Variants in GALNT13 observed in about 807,000 individuals in gnomAD.
GALNT13 encodes polypeptide N-acetylgalactosaminyltransferase 13.
GALNT13 carries 28 observed loss-of-function variants against 64.2 expected under a neutral mutation model. That is an observed-to-expected ratio of 0.44 (90% confidence interval 0.32 to 0.60). GALNT13 has a LOEUF of 0.60. Ranked by LOEUF, GALNT13 falls within the 20% of genes least tolerant of loss-of-function variation. The pLI, the probability that GALNT13 is intolerant of heterozygous loss-of-function variation, is 0.05. For synonymous variants in GALNT13, 214 were observed against 224.6 expected (o/e 0.95, Z 0.42); for missense variants, 577 against 669.8 (o/e 0.86, Z 1.53).
chr2:153,649,126 T>A, the GALNT13 span, among the ~76,000 whole-genome samples: 1 of 152,184 alleles, frequency 6.6e-6, no homozygotes, highest in Non-Finnish European at 1.5e-5. Context: ...CTATTAATTA[T>A]TGCCTCAGTT....
chr2:153,325,607 C>CT, the GALNT13 span, among the ~76,000 whole-genome samples: 1 of 152,174 alleles, frequency 6.6e-6, no homozygotes. Flanking sequence ...GATTTTAGCT[C>CT]TTTCCCACTT....
chr2:154,194,466 C>G (rs181698689), intron 4 of GALNT13, among the ~76,000 whole-genome samples: 1 of 152,202 alleles, frequency 6.6e-6, no homozygotes, highest in Non-Finnish European at 1.5e-5. Context: ...AAAGGGAAAC[C>G]TAGATTTTAG....
the GALNT13 span, among the ~76,000 whole-genome samples, chr2:153,612,370 A>C: frequency 6.6e-6 from 1 of 152,180 alleles, no homozygotes; most frequent in South Asian, 2.1e-4. Context: ...GTACTATTGT[A>C]CTATATAGAC....
chr2:153,647,640 G>T, the GALNT13 span, among the ~76,000 whole-genome samples: 20 of 152,264 alleles, frequency 1.3e-4, no homozygotes, highest in African/African-American at 3.9e-4. Context: ...ATTAATTTTT[G>T]TATAAGGTGT....
chr2:153,643,825 G>A, the GALNT13 span, among the ~76,000 whole-genome samples: 1 of 151,932 alleles, frequency 6.6e-6, no homozygotes, highest in Admixed American at 6.6e-5. Flanking sequence ...AATTTATTGT[G>A]TTACCATATC....
At chr2:154,042,944 G>A (rs1699065504) in intron 3 of GALNT13, among the ~76,000 whole-genome samples, 1 of 151,996 alleles carries the variant, frequency 6.6e-6, no homozygotes, top group Admixed American at 6.6e-5. Context: ...GTGCTATGGA[G>A]AAATAGTGAA....
At chr2:154,203,579 C>G (rs1687286879) in intron 4 of GALNT13, among the ~76,000 whole-genome samples, 1 of 152,130 alleles carries the variant, frequency 6.6e-6, no homozygotes, top group Non-Finnish European at 1.5e-5. Flanking sequence ...TGGAGGCTCT[C>G]CCTAACTCCT....
chr2:154,151,147 T>C (rs145744702), intron 4 of GALNT13, among the ~76,000 whole-genome samples: 2,270 of 152,280 alleles, frequency 0.015, 52 homozygotes, highest in African/African-American at 0.051. Context: ...TCTTGTTGGT[T>C]TCAAAGAACA....
At chr2:153,362,401 T>C in the GALNT13 span, among the ~76,000 whole-genome samples, 81 of 152,062 alleles carry the variant, frequency 5.3e-4, no homozygotes, top group African/African-American at 2.0e-3. Flanking sequence ...ATGTAAATTG[T>C]CTAAATGCCC....
At chr2:153,557,909 C>A in the GALNT13 span, among the ~76,000 whole-genome samples, 1 of 152,132 alleles carries the variant, frequency 6.6e-6, no homozygotes, top group South Asian at 2.1e-4. Flanking sequence ...ACTAACTGTG[C>A]CCAGAGTATA....
At chr2:154,430,192 G>A (rs953868407) in intron 11 of GALNT13, among the ~76,000 whole-genome samples, 35 of 152,152 alleles carry the variant, frequency 2.3e-4, no homozygotes, top group Non-Finnish European at 5.9e-5. Context: ...CACTGCCATA[G>A]TGATTCCTGT....
chr2:153,855,278 C>A, the GALNT13 span, among the ~76,000 whole-genome samples: 8 of 151,982 alleles, frequency 5.3e-5, no homozygotes, highest in Non-Finnish European at 1.2e-4. Flanking sequence ...ATATTTATAA[C>A]CTATAGGTAG....
At chr2:153,733,140 T>G in the GALNT13 span, among the ~76,000 whole-genome samples, 8 of 152,132 alleles carry the variant, frequency 5.3e-5, no homozygotes, top group Non-Finnish European at 1.2e-4. Flanking sequence ...TCGTATTTCT[T>G]GTAATGCAAG....
chr2:153,357,043 C>A, the GALNT13 span, among the ~76,000 whole-genome samples: 1 of 151,986 alleles, frequency 6.6e-6, no homozygotes, highest in Non-Finnish European at 1.5e-5. Flanking sequence ...CTCCTGATCT[C>A]TCAATCCACC....
the GALNT13 span, among the ~76,000 whole-genome samples, chr2:153,169,386 G>C: frequency 6.6e-6 from 1 of 152,190 alleles, no homozygotes; most frequent in South Asian, 2.1e-4. Context: ...GATTCTTGTT[G>C]ATGTTTGGTA....
rs559279495 is a variant in GALNT13, at chr2:154,061,758, C to A, written c.143-78579C>A. 7.9e-5 allele frequency among the ~76,000 whole-genome samples: 12 copies of A among 152,120 alleles called. No individual in the cohort carries two copies. The South Asian group carries it at 1.5e-3, about 18-fold the overall frequency. ...ATTCAACATGGAATTTTTTTATTTC[C>A]ATTTTTTGGCTTTATGTTTGTTTTT... On this transcript the variant is annotated intron_variant, in intron 3 of 12. Transcript: ENST00000392825.
At chr2:154,340,839 TATCCTTCCAATAATAGTTAAGTTA>T in intron 9 of GALNT13, among the ~76,000 whole-genome samples, 1 of 152,116 alleles carries the variant, frequency 6.6e-6, no homozygotes, top group Non-Finnish European at 1.5e-5. Flanking sequence ...TATAAGATTT[TATCCTTCCAATAATAGTTAAGTTA>T]GGCAGTCACA....
chr2:154,396,199 G>C, intron 10 of GALNT13, 69 bp downstream of exon 10: 1 of 1,029,922 alleles, frequency 9.7e-7, no homozygotes, highest in South Asian at 2.2e-5. Flanking sequence ...AAGGAGCTCA[G>C]TATTTTTTAT....
intron 3 of GALNT13, among the ~76,000 whole-genome samples, chr2:154,126,494 G>C (rs1029616079): frequency 1.3e-5 from 2 of 152,014 alleles, no homozygotes; most frequent in Non-Finnish European, 2.9e-5. Flanking sequence ...AATCAGCTGG[G>C]CGTGGTGGTG....
Sources: allele counts gnomAD v4.1 joint callset (sites outside exome capture counted in the v4.1 genomes callset), GRCh38; gene constraint gnomAD v4.1.1; transcripts MANE v1.5; gene names NCBI Gene and HGNC (gene_info 2026-07-23, HGNC 2026-07-21).